Variants in AGBL2 observed in about 807,000 individuals in gnomAD.
AGBL2 encodes the protein cytosolic carboxypeptidase 2.
In AGBL2, 87 loss-of-function variants were observed where a neutral mutation model predicts 103.0. The ratio of observed to expected loss-of-function variants is 0.84; its 90% CI spans 0.71 to 1.01. AGBL2 has a LOEUF of 1.01. Among genes scored for constraint, AGBL2 ranks in the 50% least tolerant of loss-of-function variants. The pLI, the probability that AGBL2 is intolerant of heterozygous loss-of-function variation, is 0.00. For missense variants in AGBL2, 904 were observed against 1,023.5 expected, an observed-to-expected ratio of 0.88 and a Z score of 1.59; for synonymous variants, 335 against 356.7, an observed-to-expected ratio of 0.94 and a Z score of 0.69.
intron 14 of AGBL2, among the ~76,000 whole-genome samples, chr11:47,670,775 C>G (rs1202255033): frequency 6.6e-6 from 1 of 151,828 alleles, no homozygotes; most frequent in Non-Finnish European, 1.5e-5. Flanking sequence ...TTAAAGATCT[C>G]TTGAGCCCAG....
intron 14 of AGBL2, 68 bp from the exon 15 acceptor site, chr11:47,668,975 C>T: frequency 9.1e-7 from 1 of 1,101,278 alleles, no homozygotes; most frequent in Non-Finnish European, 1.4e-6. Context: ...ATAACATTTA[C>T]CAGACCAGCT....
rs180726136 is a variant in AGBL2, at chr11:47,712,793, A to G, written c.97+1491T>C. ...GGTGGCTCATGCCTGTAATCTTGGC[A>G]TTTTGGGAGGCTGAGGTGGGTGGAT... On this transcript the variant is annotated intron_variant, in intron 3 of 18. Transcript: ENST00000525123. Among the ~76,000 whole-genome samples, 51 of 152,114 alleles carry G rather than the reference A, an allele frequency of 3.4e-4. 3 individuals carry two copies. The East Asian group carries it at 5.8e-3, about 17-fold the overall frequency.
At chr11:47,667,428 T>C in intron 16 of AGBL2, 143 bp downstream of exon 16, 1 of 1,073,030 alleles carries the variant, frequency 9.3e-7, no homozygotes, top group Non-Finnish European at 1.3e-6. Flanking sequence ...CCTGGAAGGG[T>C]TCTGATCGCA....
chr11:47,668,852 T>G lies in AGBL2; in HGVS notation c.2203A>C (p.Ile735Leu), dbSNP rs761860851. 6.2e-7 allele frequency: 1 copy of G among 1,613,256 alleles called. No individual in the cohort carries two copies. Among genetic ancestry groups the G allele is most frequent in the Non-Finnish European group, 8.5e-7 (1 of 1,179,456 alleles). The part of the protein sequence containing the change: ...SDGLPVHLAN[I>L]ADELTQKKKM... The stretch of plus-strand genomic sequence containing the variant: ...AGAGTTCAGCTTACCTCATCTGCTA[T>G]GTTTGCTAGGTGAACAGGAAGACCA... The change falls in exon 15 of 19, where the codon ATA becomes CTA. Residue 735 changes from isoleucine to leucine, a missense_variant. By Grantham distance (5) the Ile-to-Leu change is conservative (BLOSUM62 2). Coordinates refer to ENST00000525123, the MANE Select transcript of AGBL2 (RefSeq NM_024783.4).
intron 14 of AGBL2, among the ~76,000 whole-genome samples, chr11:47,671,313 G>T (rs1361858544): frequency 6.6e-6 from 1 of 151,958 alleles, no homozygotes; most frequent in African/African-American, 2.4e-5. Context: ...TCAGGAATTC[G>T]AGACAAGCCT....
intron 7 of AGBL2, among the ~76,000 whole-genome samples, chr11:47,702,470 T>G (rs1442909993): frequency 1.3e-5 from 2 of 152,142 alleles, no homozygotes; most frequent in African/African-American, 4.8e-5. Flanking sequence ...TCATGAACTC[T>G]GGGTCCATGA....
chr11:47,690,752 G>T lies in AGBL2; in HGVS notation c.955C>A (p.Arg319Ser). 6.2e-7 allele frequency: 1 copy of T among 1,614,070 alleles called. No individual in the cohort carries two copies. The highest frequency in any genetic ancestry group is 8.5e-7 in the Non-Finnish European group (1 of 1,180,020). ...TTTAGCAAGTTGACAATGGTGAAGC[G>T]ATAGGTAGCATCTTTTCTGGTGTTC... ...VQNTRKDATY[R>S]FTIVNLLKPK... Residue 319 changes from arginine (R) to serine (S), a missense_variant, in exon 10 of 19, where the codon CGC (arginine) becomes AGC (serine). Arg to Ser is a moderately radical substitution (Grantham distance 110). Transcript: ENST00000525123.
Position 47,712,531 on chromosome 11 carries a change from G to A in AGBL2, c.97+1753C>T, listed in dbSNP as rs184951878. On this transcript the variant is annotated intron_variant, in intron 3 of 18. Transcript: ENST00000525123. ...AGATAAATATTATAGTCATAGATTG[G>A]AGAACCCAGTGTTGAAAAATTGCCA... 2.8e-3 allele frequency among the ~76,000 whole-genome samples: 425 copies of A among 152,288 alleles called. 9 individuals carry two copies. The highest frequency in any genetic ancestry group is 0.021 in the Admixed American group (323 of 15,288).
At chr11:47,676,099 G>A (rs1015258722) in intron 14 of AGBL2, among the ~76,000 whole-genome samples, 9 of 151,870 alleles carry the variant, frequency 5.9e-5, no homozygotes, top group Admixed American at 1.3e-4. Flanking sequence ...CTGCTTGTTC[G>A]AGGTCTCCAC....
chr11:47,713,153 A>G, intron 3 of AGBL2, among the ~76,000 whole-genome samples: 1 of 151,964 alleles, frequency 6.6e-6, no homozygotes. Context: ...CAGCCTGGCC[A>G]ACATGTTGAA....
chr11:47,668,262 A>G (rs1313207566), intron 15 of AGBL2, among the ~76,000 whole-genome samples: 1 of 148,268 alleles, frequency 6.7e-6, no homozygotes, highest in African/African-American at 2.5e-5. Flanking sequence ...TATTCCCAGC[A>G]CTTTGGGAGG....
rs1441547851 is a variant in AGBL2, at chr11:47,667,643, A to T, written c.2268T>A (p.Thr756=). The change falls in exon 16 of 19, where the codon ACT becomes ACA. Residue 756 remains threonine (T), a synonymous_variant. Coordinates refer to ENST00000525123, the MANE Select transcript of AGBL2 (RefSeq NM_024783.4). ...GATACTGCTCATTTCGCTGTTTCCT[A>T]GTCTGAAGTGACTTCTTTTTTTTCT... The part of the protein sequence containing the change: ...FKKKKKKSLQ[T]RKQRNEQYQK... 6.2e-7 allele frequency: 1 copy of T among 1,613,498 alleles called. No homozygotes were observed. Among genetic ancestry groups the T allele is most frequent in the East Asian group, 2.2e-5 (1 of 44,882 alleles).
chr11:47,687,839 A>C, intron 10 of AGBL2, among the ~76,000 whole-genome samples: 4 of 129,580 alleles, frequency 3.1e-5, no homozygotes, highest in Admixed American at 9.2e-5. Flanking sequence ...ACACAGTCTC[A>C]CTCTGTCACC....
At chr11:47,685,447 G>T (rs1839258744) in intron 11 of AGBL2, among the ~76,000 whole-genome samples, 1 of 151,052 alleles carries the variant, frequency 6.6e-6, no homozygotes, top group Non-Finnish European at 1.5e-5. Flanking sequence ...TTGAGATGGA[G>T]TTCTGCTCTT....
chr11:47,692,298 T>A (rs1364343211), intron 8 of AGBL2, 42 bp from the exon 9 acceptor site: 2 of 1,577,938 alleles, frequency 1.3e-6, no homozygotes, highest in East Asian at 4.5e-5. Context: ...CTACTCAGAA[T>A]CCACTCATTC....
intron 8 of AGBL2, among the ~76,000 whole-genome samples, chr11:47,695,455 A>G: frequency 7.0e-6 from 1 of 143,366 alleles, no homozygotes; most frequent in Non-Finnish European, 1.5e-5. Flanking sequence ...AGCCTGGGCG[A>G]CGAAAGTGAA....
At chr11:47,660,486 T>C in intron 18 of AGBL2, 140 bp from the exon 19 acceptor site, 1 of 764,210 alleles carries the variant, frequency 1.3e-6, no homozygotes. Context: ...TAGTTGACAA[T>C]GTTACAGAAC....
rs765750786 is a variant in AGBL2, at chr11:47,667,602, A to T, written c.2309T>A (p.Met770Lys). ...ATCTTCTGTTAACTTTAACTTCTGC[A>T]TCAAATTTTTTTTCTGATACTGCTC... ...RNEQYQKKNLMQKLKLTEDTS... is the reference protein window; with the variant it reads ...RNEQYQKKNLKQKLKLTEDTS... The change falls in exon 16 of 19, where the codon ATG (methionine) becomes AAG (lysine). Residue 770 changes from methionine (M) to lysine (K), a missense_variant. Physicochemically the swap from Met to Lys is moderately conservative, Grantham distance 95 (BLOSUM62 -1). Coordinates refer to ENST00000525123, the MANE Select transcript of AGBL2 (RefSeq NM_024783.4). 6.2e-7 allele frequency: 1 copy of T among 1,614,044 alleles called. No homozygotes were observed. The highest frequency in any genetic ancestry group is 8.5e-7 in the Non-Finnish European group (1 of 1,180,002).
intron 8 of AGBL2, among the ~76,000 whole-genome samples, chr11:47,696,010 C>CAA (rs1171058500): frequency 0.068 from 1,173 of 17,150 alleles, 19 homozygotes; most frequent in Non-Finnish European, 0.087. Context: ...ACTAAAAATA[C>CAA]AAAAAAAAAA....
Sources: allele counts gnomAD v4.1 joint callset (sites outside exome capture counted in the v4.1 genomes callset), GRCh38; gene constraint gnomAD v4.1.1; transcripts MANE v1.5; gene names NCBI Gene and HGNC (gene_info 2026-07-23, HGNC 2026-07-21).